Variants in SPAG16 observed in about 807,000 individuals in gnomAD.
SPAG16 encodes sperm-associated antigen 16 protein.
Under a neutral mutation model 80.4 loss-of-function variants are expected in SPAG16, and 86 were observed. The ratio of observed to expected loss-of-function variants is 1.07; its 90% confidence interval spans 0.90 to 1.28. The LOEUF is 1.28. SPAG16 is among the 50% of genes most tolerant of loss of function. SPAG16 has a pLI of 0.00. For synonymous variants in SPAG16, 294 were observed against 265.9 expected (o/e 1.11, Z -1.03); for missense variants, 870 against 765.3 (o/e 1.14, Z -1.61).
At chr2:214,321,399 G>A (rs1576774509) in intron 15 of SPAG16, among the ~76,000 whole-genome samples, 1 of 152,142 alleles carries the variant, frequency 6.6e-6, no homozygotes, top group Admixed American at 6.5e-5. Context: ...AGAAGGCAAA[G>A]CAAACATTCT....
chr2:213,638,155 C>A (rs965675812), intron 10 of SPAG16, among the ~76,000 whole-genome samples: 1 of 152,150 alleles, frequency 6.6e-6, no homozygotes, highest in African/African-American at 2.4e-5. Context: ...ATTAATCTCA[C>A]TAATAGTCTA....
chr2:214,148,348 C>A (rs570665833), intron 14 of SPAG16, among the ~76,000 whole-genome samples: 1 of 152,116 alleles, frequency 6.6e-6, no homozygotes, highest in Non-Finnish European at 1.5e-5. Context: ...AACTGATGAG[C>A]CTGGGCCACT....
chr2:213,676,990 T>C (rs1051167578), intron 10 of SPAG16, among the ~76,000 whole-genome samples: 1 of 151,738 alleles, frequency 6.6e-6, no homozygotes, highest in Non-Finnish European at 1.5e-5. Flanking sequence ...CTGGTAGAAT[T>C]CGGCTGTGAA....
chr2:213,702,586 A>G (rs1256871360), intron 10 of SPAG16, among the ~76,000 whole-genome samples: 1 of 152,174 alleles, frequency 6.6e-6, no homozygotes, highest in Non-Finnish European at 1.5e-5. Context: ...TCCGGACACA[A>G]TAATATTTCA....
Position 213,325,620 on chromosome 2 carries a change from A to ATGTG in SPAG16, c.536+8285_536+8288dup, listed in dbSNP as rs10534467. Among the ~76,000 whole-genome samples the ATGTG allele has an allele frequency of 6.3e-3, 934 of 149,082 alleles. 10 individuals are homozygous for ATGTG. Among genetic ancestry groups the ATGTG allele is most frequent in the African/African-American group, 0.021 (874 of 40,776 alleles). On this transcript the variant is annotated intron_variant, in intron 5 of 15. Transcript: ENST00000331683. ...AAATATAACTTGATTTTGGAAAAATATGTGTGTGTGTGTGTGTGTGTGTGC... is the reference window on the plus strand; with the variant it reads ...AAATATAACTTGATTTTGGAAAAATATGTGTGTGTGTGTGTGTGTGTGTGTGTGC...
At chr2:213,725,007 C>T (rs977807375) in intron 10 of SPAG16, among the ~76,000 whole-genome samples, 2 of 151,700 alleles carry the variant, frequency 1.3e-5, no homozygotes, top group East Asian at 1.9e-4. Context: ...GTGACTAAAA[C>T]GTCCAAAACC....
chr2:213,616,884 TG>T (rs1356830525), intron 10 of SPAG16, among the ~76,000 whole-genome samples: 1 of 152,114 alleles, frequency 6.6e-6, no homozygotes, highest in African/African-American at 2.4e-5. Context: ...GAAGCAGTAT[TG>T]GGAATAGGAA....
intron 13 of SPAG16, among the ~76,000 whole-genome samples, chr2:214,069,110 C>T (rs538835118): frequency 1.3e-5 from 2 of 152,190 alleles, no homozygotes; most frequent in East Asian, 3.9e-4. Context: ...CACAAATTTT[C>T]TGTGTGATTA....
intron 10 of SPAG16, among the ~76,000 whole-genome samples, chr2:213,702,655 A>T (rs573316216): frequency 6.6e-6 from 1 of 152,344 alleles, no homozygotes; most frequent in African/African-American, 2.4e-5. Flanking sequence ...CTTCCAATAT[A>T]CAACTATCCG....
chr2:214,267,762 C>A (rs961512772), intron 15 of SPAG16, among the ~76,000 whole-genome samples: 2 of 151,824 alleles, frequency 1.3e-5, no homozygotes, highest in African/African-American at 4.8e-5. Flanking sequence ...CAATATCTAT[C>A]AAAATTCCAA....
intron 5 of SPAG16, among the ~76,000 whole-genome samples, chr2:213,337,978 C>T (rs1477951399): frequency 6.6e-6 from 1 of 152,068 alleles, no homozygotes; most frequent in African/African-American, 2.4e-5. Context: ...GAGAGAAAGT[C>T]CAGGTCACCT....
At chr2:213,802,415 A>ATCTG (rs534346282) in intron 10 of SPAG16, among the ~76,000 whole-genome samples, 1 of 137,160 alleles carries the variant, frequency 7.3e-6, no homozygotes, top group Non-Finnish European at 1.6e-5. Context: ...CTATCTATCT[A>ATCTG]TCTATCTATC....
intron 15 of SPAG16, among the ~76,000 whole-genome samples, chr2:214,326,157 T>A (rs1576786361): frequency 6.6e-6 from 1 of 152,220 alleles, no homozygotes; most frequent in African/African-American, 2.4e-5. Flanking sequence ...TGAGATGGGA[T>A]CATCCTGGAT....
At chr2:213,499,212 T>C (rs2074631224) in intron 10 of SPAG16, among the ~76,000 whole-genome samples, 1 of 152,132 alleles carries the variant, frequency 6.6e-6, no homozygotes. Context: ...GTTACCTCCT[T>C]TTTCCACTTG....
chr2:213,391,124 T>C (rs2130055), intron 9 of SPAG16, among the ~76,000 whole-genome samples: 33,430 of 151,958 alleles, frequency 0.22, 4,517 homozygotes, highest in Non-Finnish European at 0.31. Flanking sequence ...AAAAATTAGC[T>C]GGGCATGGTG....
chr2:214,176,449 A>T (rs1393111973), intron 15 of SPAG16, among the ~76,000 whole-genome samples: 1 of 151,248 alleles, frequency 6.6e-6, no homozygotes, highest in Non-Finnish European at 1.5e-5. Flanking sequence ...TGTTCACTCT[A>T]TCCTGTAGCT....
At chr2:214,171,107 T>G (rs990198924) in intron 15 of SPAG16, among the ~76,000 whole-genome samples, 2 of 151,930 alleles carry the variant, frequency 1.3e-5, no homozygotes, top group African/African-American at 4.8e-5. Context: ...ATTTTGTGAC[T>G]CCTTAACCTT....
chr2:214,177,934 TGGC>T (rs2057162030), intron 15 of SPAG16, among the ~76,000 whole-genome samples: 2 of 126,232 alleles, frequency 1.6e-5, no homozygotes, highest in Non-Finnish European at 3.3e-5. Context: ...TATATATATA[TGGC>T]CAGAATTGTT....
At chr2:213,786,221 A>G (rs982613901) in intron 10 of SPAG16, among the ~76,000 whole-genome samples, 5 of 152,118 alleles carry the variant, frequency 3.3e-5, no homozygotes, top group Admixed American at 2.6e-4. Flanking sequence ...TCATCGTCCC[A>G]TTTAACATTT....
Sources: gnomAD v4.1 joint callset for allele counts (sites outside exome capture counted in the v4.1 genomes callset) on GRCh38, gnomAD v4.1.1 for gene constraint, MANE v1.5 for transcripts, NCBI Gene and HGNC (gene_info 2026-07-23, HGNC 2026-07-21) for gene names.